Variants in KREMEN1 observed in about 807,000 individuals in gnomAD.
KREMEN1 encodes kringle containing transmembrane protein 1.
Under a neutral mutation model 46.5 loss-of-function variants are expected in KREMEN1, and 30 were observed. The observed-to-expected ratio is 0.65, with a 90% CI of 0.48 to 0.88. KREMEN1 has a LOEUF of 0.88. KREMEN1 is among the 40% of genes least tolerant of loss of function. The probability of loss-of-function intolerance (pLI) is 0.00; values close to 1 mark genes in which losing one functional copy is unlikely to be tolerated. For synonymous variants in KREMEN1, 214 were observed against 230.6 expected, an observed-to-expected ratio of 0.93 and a Z score of 0.65; for missense variants, 533 against 596.9, an observed-to-expected ratio of 0.89 and a Z score of 1.11.
At chr22:29,134,550 AAC>A (rs1244468396) in intron 5 of KREMEN1, among the ~76,000 whole-genome samples, 1 of 152,036 alleles carries the variant, frequency 6.6e-6, no homozygotes, top group Non-Finnish European at 1.5e-5. Context: ...AGATTGTTTT[AAC>A]AATGTCTTTC....
intron 3 of KREMEN1, among the ~76,000 whole-genome samples, chr22:29,099,694 G>T (rs113388440): frequency 1.2e-3 from 185 of 152,032 alleles, no homozygotes; most frequent in African/African-American, 3.5e-3. Context: ...GGGACTGCAG[G>T]CGTGCACCAC....
intron 1 of KREMEN1, among the ~76,000 whole-genome samples, chr22:29,076,464 T>C (rs1428703272): frequency 6.6e-6 from 1 of 152,224 alleles, no homozygotes; most frequent in East Asian, 1.9e-4. Flanking sequence ...GTTACTTGCA[T>C]ACTCTGAGTA....
intron 9 of KREMEN1, among the ~76,000 whole-genome samples, chr22:29,158,680 G>A (rs1266887443): frequency 6.6e-6 from 1 of 152,212 alleles, no homozygotes; most frequent in African/African-American, 2.4e-5. Flanking sequence ...GAGTCCAGAA[G>A]GGATCAGTCT....
intron 4 of KREMEN1, among the ~76,000 whole-genome samples, chr22:29,122,301 T>G (rs2038369362): frequency 6.6e-6 from 1 of 152,180 alleles, no homozygotes; most frequent in Admixed American, 6.6e-5. Flanking sequence ...AAGTTAATAC[T>G]GAAAATACTA....
chr22:29,105,452 C>T (rs1054127127), intron 3 of KREMEN1, among the ~76,000 whole-genome samples: 90 of 146,232 alleles, frequency 6.2e-4, no homozygotes, highest in African/African-American at 2.2e-3. Flanking sequence ...TGTGCATGAG[C>T]GTGCGTGTGC....
At position 29,144,346 on chromosome 22, in the gene KREMEN1, CT is replaced by C. The variant is rs2038819138; in HGVS notation, c.*2236del. On this transcript the variant is annotated 3_prime_UTR_variant, in exon 9 of 9. Transcript: ENST00000400335. The stretch of plus-strand genomic sequence containing the variant: ...CTGAGTTCAGGAGAGGTGCTTGGAG[CT>C]TCAGGCAGAGGGGCCTTCAGAGGAG... The C allele has an allele frequency of 6.1e-6, 6 of 985,654 alleles. No individual in the cohort carries two copies. The highest frequency in any genetic ancestry group is 5.2e-4 in the Middle Eastern group (1 of 1,936). 61.1% of individuals were successfully genotyped at this position (985,654 alleles called of 1,614,324 possible). A position where few individuals can be genotyped will look rare whatever the true frequency, so the allele number is the denominator to read the frequency against.
In KREMEN1 at chr22:29,098,854, C is replaced by G. The variant is rs759995394; in HGVS notation, c.261-8C>G. 15 of 1,610,158 alleles carry G rather than the reference C, an allele frequency of 9.3e-6. No homozygotes were observed. The highest frequency in any genetic ancestry group is 1.7e-5 in the Admixed American group (1 of 59,996). ...AGAAGTCATCAATTGTGTCCTTTTC[C>G]CCAACAGAAATCCAGATGGAGACGT... On this transcript the variant is annotated splice_region_variant and splice_polypyrimidine_tract_variant and intron_variant, in intron 2 of 8. Transcript: ENST00000400335.
intron 9 of KREMEN1, among the ~76,000 whole-genome samples, chr22:29,156,643 C>T (rs1482812747): frequency 3.3e-5 from 5 of 152,210 alleles, no homozygotes; most frequent in Admixed American, 2.6e-4. Context: ...AGAAGGCCCC[C>T]ACACTGCTGC....
chr22:29,082,458 A>G (rs1223032848), intron 1 of KREMEN1, among the ~76,000 whole-genome samples: 2 of 152,208 alleles, frequency 1.3e-5, no homozygotes, highest in Non-Finnish European at 2.9e-5. Flanking sequence ...GAACTTTCCT[A>G]GAACTTCTCA....
At chr22:29,163,407 C>T (rs1055478639) in intron 9 of KREMEN1, among the ~76,000 whole-genome samples, 1 of 152,058 alleles carries the variant, frequency 6.6e-6, no homozygotes, top group Admixed American at 6.6e-5. Flanking sequence ...GATGGAGTTT[C>T]ACTCTCATCG....
downstream of KREMEN1, among the ~76,000 whole-genome samples, chr22:29,149,826 C>T (rs531772413): frequency 9.9e-4 from 151 of 152,242 alleles, 3 homozygotes; most frequent in Non-Finnish European, 8.8e-4. Context: ...ATCCACCACC[C>T]GGGAGCCAGC....
intron 4 of KREMEN1, among the ~76,000 whole-genome samples, chr22:29,123,857 C>T (rs1183635053): frequency 6.6e-6 from 1 of 151,986 alleles, no homozygotes; most frequent in Non-Finnish European, 1.5e-5. Context: ...AAGGTAATGC[C>T]AATTAAAACT....
chr22:29,097,233 G>C (rs2037896124), intron 2 of KREMEN1, among the ~76,000 whole-genome samples: 1 of 152,182 alleles, frequency 6.6e-6, no homozygotes, highest in Non-Finnish European at 1.5e-5. Flanking sequence ...TAAATAAAAG[G>C]GGCTTGGAAA....
chr22:29,109,416 C>G (rs1355433077), intron 3 of KREMEN1, among the ~76,000 whole-genome samples: 2 of 152,124 alleles, frequency 1.3e-5, no homozygotes, highest in African/African-American at 4.8e-5. Context: ...GACCAGCACA[C>G]CAATCATATA....
downstream of KREMEN1, among the ~76,000 whole-genome samples, chr22:29,150,158 G>T (rs928488096): frequency 4.6e-5 from 7 of 152,198 alleles, no homozygotes; most frequent in African/African-American, 1.7e-4. Context: ...CTTCATTTCT[G>T]GTCTCCAGCT....
At position 29,127,259 on chromosome 22, in the gene KREMEN1, T is replaced by C. The variant is rs143865686; in HGVS notation, c.631+1843T>C. ...AGGATAAATAACTTGCTGGGATTCATACTGCTAAGAAACCACTAGAGAGGT... is the reference window on the plus strand; with the variant it reads ...AGGATAAATAACTTGCTGGGATTCACACTGCTAAGAAACCACTAGAGAGGT... On this transcript the variant is annotated intron_variant, in intron 5 of 8. Coordinates refer to ENST00000400335, the MANE Select transcript of KREMEN1 (RefSeq NM_001039570.3). Among the ~76,000 whole-genome samples the C allele has an allele frequency of 1.6e-4, 25 of 152,322 alleles. 2 individuals are homozygous for C. Among genetic ancestry groups the C allele is most frequent in the African/African-American group, 4.6e-4 (19 of 41,572 alleles).
At chr22:29,159,242 AG>A (rs2038989693) in intron 9 of KREMEN1, among the ~76,000 whole-genome samples, 1 of 150,272 alleles carries the variant, frequency 6.7e-6, no homozygotes, top group Admixed American at 6.7e-5. Flanking sequence ...CTGGGATTTC[AG>A]GCATGAGCCA....
chr22:29,153,903 C>T (rs2038938637), intron 9 of KREMEN1, among the ~76,000 whole-genome samples: 1 of 148,542 alleles, frequency 6.7e-6, no homozygotes, highest in Admixed American at 6.8e-5. Context: ...ACCTGGGAGG[C>T]GGAGGTTGCA....
At chr22:29,078,728 C>T (rs537734377) in intron 1 of KREMEN1, among the ~76,000 whole-genome samples, 27 of 152,266 alleles carry the variant, frequency 1.8e-4, no homozygotes, top group Non-Finnish European at 2.9e-4. Context: ...TGAGAGAGGC[C>T]GGAAGTTTGG....
Sources: allele counts gnomAD v4.1 joint callset (sites outside exome capture counted in the v4.1 genomes callset), GRCh38; gene constraint gnomAD v4.1.1; transcripts MANE v1.5; gene names NCBI Gene and HGNC (gene_info 2026-07-23, HGNC 2026-07-21).